Variants in THSD7A observed in about 807,000 individuals in gnomAD.
THSD7A encodes the protein thrombospondin type 1 domain containing 7A.
THSD7A carries 96 observed loss-of-function variants against 231.3 expected under a neutral mutation model. The observed-to-expected ratio is 0.41, with a 90% CI of 0.35 to 0.49. The LOEUF (loss-of-function observed/expected upper bound fraction) is 0.49, where lower values mean the gene tolerates loss of function less well. THSD7A is among the 20% of genes least tolerant of loss of function. The probability of loss-of-function intolerance (pLI) is 0.05; values close to 1 mark genes in which losing one functional copy is unlikely to be tolerated. For synonymous variants in THSD7A, 940 were observed against 743.3 expected (o/e 1.26, Z -4.30); for missense variants, 2,290 against 2,070.2 (o/e 1.11, Z -2.06).
At chr7:11,443,422 C>T (rs931731490) in intron 13 of THSD7A, among the ~76,000 whole-genome samples, 2 of 151,854 alleles carry the variant, frequency 1.3e-5, no homozygotes, top group Non-Finnish European at 2.9e-5. Context: ...ATAAAATATT[C>T]AATTACTCTT....
chr7:11,766,826 C>G (rs892854744), intron 1 of THSD7A, among the ~76,000 whole-genome samples: 1 of 151,926 alleles, frequency 6.6e-6, no homozygotes, highest in Non-Finnish European at 1.5e-5. Context: ...TTGGTTTACA[C>G]AGGATTAAAG....
chr7:11,552,163 T>C (rs1789656243), intron 4 of THSD7A, among the ~76,000 whole-genome samples: 1 of 151,834 alleles, frequency 6.6e-6, no homozygotes, highest in African/African-American at 2.4e-5. Flanking sequence ...TACCTGAGGG[T>C]GTAAGGTGGG....
Position 11,412,696 on chromosome 7 carries a change from G to A in THSD7A, c.3642C>T (p.Asn1214=). 6.2e-7 allele frequency: 1 copy of A among 1,613,800 alleles called. No individual in the cohort carries two copies. Among genetic ancestry groups the A allele is most frequent in the Non-Finnish European group, 8.5e-7 (1 of 1,179,812 alleles). ...CATAGTGGTAGCAGTTTTTGTTCAG[G>A]TTACAGGGTTCTTTCTCAACAGCAT... is the stretch of plus-strand genomic sequence containing the variant. ...CPNAVEKEPC[N]LNKNCYHYDY... The change falls in exon 18 of 28, where the codon AAC becomes AAT. Residue 1214 remains asparagine, a synonymous_variant. Transcript: ENST00000423059.
chr7:11,411,741 CATTTT>C lies in THSD7A; in HGVS notation c.3683-424_3683-420del, dbSNP rs1383319724. On this transcript the variant is annotated intron_variant, in intron 18 of 27. Coordinates refer to ENST00000423059, the MANE Select transcript of THSD7A (RefSeq NM_015204.3). The surrounding 1 kb of genome is among the most constrained non-coding windows in gnomAD (Gnocchi z 4.1). ...TGTAGTTATATTCAGATAAAACATA[CATTTT>C]ATTTCTTATCCATATTTAGAATGCA... Among the ~76,000 whole-genome samples the C allele has an allele frequency of 6.6e-6, 1 of 152,112 alleles. No homozygotes were observed. The highest frequency in any genetic ancestry group is 1.5e-5 in the Non-Finnish European group (1 of 68,014).
At chr7:11,829,880 TC>T (rs1785144854) in intron 1 of THSD7A, among the ~76,000 whole-genome samples, 1 of 152,044 alleles carries the variant, frequency 6.6e-6, no homozygotes, top group Non-Finnish European at 1.5e-5. Context: ...AAACCAAGGA[TC>T]ACCAGTCAAG....
At chr7:11,727,480 C>A (rs1442026043) in intron 1 of THSD7A, among the ~76,000 whole-genome samples, 1 of 151,864 alleles carries the variant, frequency 6.6e-6, no homozygotes, top group Non-Finnish European at 1.5e-5. Flanking sequence ...AAATAAATCA[C>A]CTATAGAAAT....
chr7:11,568,158 CT>C (rs1359927666), intron 4 of THSD7A, among the ~76,000 whole-genome samples: 3 of 152,108 alleles, frequency 2.0e-5, no homozygotes, highest in Non-Finnish European at 4.4e-5. Context: ...AATTCAACAA[CT>C]TTAGTCCTTA....
At chr7:11,739,920 G>A (rs1782050121) in intron 1 of THSD7A, among the ~76,000 whole-genome samples, 2 of 151,968 alleles carry the variant, frequency 1.3e-5, no homozygotes, top group African/African-American at 4.8e-5. Context: ...GCTAATAAGA[G>A]GGTGTGTTAA....
intron 1 of THSD7A, among the ~76,000 whole-genome samples, chr7:11,695,949 G>T (rs1480539326): frequency 1.3e-5 from 2 of 151,484 alleles, no homozygotes; most frequent in African/African-American, 4.8e-5. Flanking sequence ...CATGGTAAAT[G>T]ATAATGAAGG....
At position 11,636,280 on chromosome 7, in the gene THSD7A, A is replaced by G. The variant is rs758109668; in HGVS notation, c.872T>C (p.Val291Ala). 1.2e-6 allele frequency: 2 copies of G among 1,613,194 alleles called. No individual in the cohort carries two copies. The highest frequency in any genetic ancestry group is 2.2e-5 in the South Asian group (2 of 91,048). Residue 291 changes from valine to alanine, a missense_variant, in exon 2 of 28, where the codon GTA becomes GCA. Val to Ala is a moderately conservative substitution (Grantham distance 64). Transcript: ENST00000423059. This position sits in a 1 kb window ranked among gnomAD's most constrained non-coding sequence, Gnocchi z 10.0. ...AAGCTCGCGGGCTTCTGGATCCTTT[A>G]CTCCTTTGCTGCGGTCCTTTTCCCG... ...KEREKDRSKG[V>A]KDPEARELIK...
At chr7:11,673,071 C>A (rs1783467205) in intron 1 of THSD7A, among the ~76,000 whole-genome samples, 1 of 152,078 alleles carries the variant, frequency 6.6e-6, no homozygotes, top group African/African-American at 2.4e-5. Context: ...TCAAACAGAT[C>A]ATTTGAGAGA....
At chr7:11,437,168 C>A (rs537028809) in intron 13 of THSD7A, among the ~76,000 whole-genome samples, 29 of 152,038 alleles carry the variant, frequency 1.9e-4, no homozygotes, top group Non-Finnish European at 3.4e-4. Flanking sequence ...GTTTGAAAAC[C>A]ATGATATGAA....
intron 2 of THSD7A, among the ~76,000 whole-genome samples, chr7:11,621,606 T>C (rs1781313361): frequency 6.6e-6 from 1 of 152,124 alleles, no homozygotes; most frequent in Admixed American, 6.6e-5. Context: ...GTCATAGAGT[T>C]CCTGTAGACA....
Position 11,634,377 on chromosome 7 carries a change from G to C in THSD7A, c.1022+1753C>G, listed in dbSNP as rs116750236. Among the ~76,000 whole-genome samples the C allele has an allele frequency of 6.6e-6, 1 of 152,096 alleles. No individual in the cohort carries two copies. Among genetic ancestry groups the C allele is most frequent in the Non-Finnish European group, 1.5e-5 (1 of 68,022 alleles). ...TTACACTTTTAATTGAGTAGTCAAC[G>C]TTAAATTAAATGTCTACAGCATGCT... On this transcript the variant is annotated intron_variant, in intron 2 of 27. Coordinates refer to ENST00000423059, the MANE Select transcript of THSD7A (RefSeq NM_015204.3). This position sits in a 1 kb window ranked among gnomAD's most constrained non-coding sequence, Gnocchi z 4.1.
At chr7:11,611,878 C>A (rs1212953090) in intron 2 of THSD7A, among the ~76,000 whole-genome samples, 2 of 151,166 alleles carry the variant, frequency 1.3e-5, no homozygotes, top group Non-Finnish European at 2.9e-5. Flanking sequence ...ATCTATCTAT[C>A]TATCTATCTG....
chr7:11,405,968 G>A (rs989254217), intron 22 of THSD7A, among the ~76,000 whole-genome samples: 8 of 152,156 alleles, frequency 5.3e-5, no homozygotes, highest in African/African-American at 1.7e-4. Context: ...TGGAAATCCC[G>A]AATAGGTTAT....
intron 1 of THSD7A, among the ~76,000 whole-genome samples, chr7:11,740,322 G>C (rs976423048): frequency 6.6e-5 from 10 of 151,932 alleles, no homozygotes; most frequent in Admixed American, 6.6e-4. Context: ...AGGTACATGA[G>C]AGAAATTGTA....
intron 13 of THSD7A, among the ~76,000 whole-genome samples, chr7:11,438,572 C>A (rs138639119): frequency 1.3e-5 from 2 of 152,066 alleles, no homozygotes; most frequent in African/African-American, 2.4e-5. Context: ...AAAGTCAATA[C>A]AAATCACTAT....
chr7:11,379,112 C>A lies in THSD7A; in HGVS notation c.4759G>T (p.Ala1587Ser), dbSNP rs1235016119. The change falls in exon 26 of 28, where the codon GCA becomes TCA. Residue 1587 changes from alanine (A) to serine (S), a missense_variant. Coordinates refer to ENST00000423059, the MANE Select transcript of THSD7A (RefSeq NM_015204.3). ...AGAAACCAGGTCCTTCCCCGTCCTGCTGGGTTACTGGAGGGTTGGGTTGGA... is the reference window on the plus strand; with the variant it reads ...AGAAACCAGGTCCTTCCCCGTCCTGATGGGTTACTGGAGGGTTGGGTTGGA... The part of the protein sequence containing the change: ...VHPTQPSSNP[A>S]GRGRTWFLQP... 1.2e-6 allele frequency: 2 copies of A among 1,613,584 alleles called. No homozygotes were observed. Among genetic ancestry groups the A allele is most frequent in the Non-Finnish European group, 1.7e-6 (2 of 1,179,684 alleles).
Sources: gnomAD v4.1 joint callset for allele counts (sites outside exome capture counted in the v4.1 genomes callset) on GRCh38, gnomAD v4.1.1 for gene constraint, Gnocchi (gnomAD v3.1) non-coding constraint, MANE v1.5 for transcripts, NCBI Gene and HGNC (gene_info 2026-07-23, HGNC 2026-07-21) for gene names.